The following CACNA1D variants were observed in gnomAD, a reference collection of about 807,000 sequenced individuals.
The protein encoded by CACNA1D is voltage-dependent L-type calcium channel subunit alpha-1D.
Under a neutral mutation model 257.1 loss-of-function variants are expected in CACNA1D, and 55 were observed. The observed-to-expected ratio is 0.21, with a 90% confidence interval of 0.17 to 0.27. The LOEUF (loss-of-function observed/expected upper bound fraction) is 0.27, where lower values mean the gene tolerates loss of function less well. CACNA1D is among the 10% of genes least tolerant of loss of function. The probability of loss-of-function intolerance (pLI) is 1.00; values close to 1 mark genes in which losing one functional copy is unlikely to be tolerated. For missense variants in CACNA1D, 1,876 were observed against 2,784.0 expected, an observed-to-expected ratio of 0.67 and a Z score of 7.34; for synonymous variants, 980 against 1,014.9, an observed-to-expected ratio of 0.97 and a Z score of 0.65.
chr3:53,729,580 C>T (rs1248944432), intron 15 of CACNA1D, among the ~76,000 whole-genome samples: 1 of 152,172 alleles, frequency 6.6e-6, no homozygotes, highest in Non-Finnish European at 1.5e-5. Flanking sequence ...CAGGCATCTT[C>T]TGATTTAGGA....
At chr3:53,662,544 A>G (rs753068675) in intron 5 of CACNA1D, among the ~76,000 whole-genome samples, 7 of 152,232 alleles carry the variant, frequency 4.6e-5, no homozygotes, top group Non-Finnish European at 8.8e-5. Flanking sequence ...TGCATCTTTT[A>G]GACAAGGAAA....
intron 3 of CACNA1D, among the ~76,000 whole-genome samples, chr3:53,576,513 G>GT (rs1476997600): frequency 6.6e-6 from 1 of 152,198 alleles, no homozygotes; most frequent in Non-Finnish European, 1.5e-5. Context: ...CAGACTAATA[G>GT]TTTTTCCAGT....
chr3:53,596,323 A>G (rs1175493973), intron 3 of CACNA1D, among the ~76,000 whole-genome samples: 3 of 151,748 alleles, frequency 2.0e-5, no homozygotes, highest in African/African-American at 7.3e-5. Context: ...TGTACCCATG[A>G]GTGTGAGGAA....
intron 3 of CACNA1D, among the ~76,000 whole-genome samples, chr3:53,611,966 G>A (rs1450426758): frequency 3.9e-5 from 6 of 152,052 alleles, no homozygotes; most frequent in Admixed American, 1.3e-4. Context: ...TAGGTCTATC[G>A]GCCATAGTTT....
intron 3 of CACNA1D, among the ~76,000 whole-genome samples, chr3:53,647,848 G>GTAGA (rs2108254656): frequency 6.6e-6 from 1 of 152,294 alleles, no homozygotes; most frequent in South Asian, 2.1e-4. Flanking sequence ...TGGCATCATG[G>GTAGA]TAGAATCTCT....
At chr3:53,598,207 C>T (rs941638298) in intron 3 of CACNA1D, among the ~76,000 whole-genome samples, 1 of 152,094 alleles carries the variant, frequency 6.6e-6, no homozygotes, top group Non-Finnish European at 1.5e-5. Flanking sequence ...TAACTAATAA[C>T]TTTTATGGGT....
intron 47 of CACNA1D, 128 bp from the exon 48 acceptor site, chr3:53,810,985 A>G (rs2095597695): frequency 1.3e-6 from 1 of 752,586 alleles, no homozygotes; most frequent in Admixed American, 2.0e-5. Flanking sequence ...TCTAGAAAAC[A>G]TGATTGAGCT....
intron 9 of CACNA1D, among the ~76,000 whole-genome samples, chr3:53,711,724 G>A (rs185229911): frequency 3.1e-3 from 470 of 152,340 alleles, no homozygotes; most frequent in Non-Finnish European, 4.8e-3. Flanking sequence ...GGAACAACCC[G>A]TGGATATCTG....
chr3:53,761,482 A>G (rs1366657395), intron 29 of CACNA1D, among the ~76,000 whole-genome samples: 1 of 152,258 alleles, frequency 6.6e-6, no homozygotes, highest in Non-Finnish European at 1.5e-5. Context: ...TCATCCTGCC[A>G]CAAGGCATGG....
intron 8 of CACNA1D, among the ~76,000 whole-genome samples, chr3:53,697,796 G>A (rs1280656065): frequency 1.3e-5 from 2 of 152,156 alleles, no homozygotes; most frequent in Non-Finnish European, 2.9e-5. Context: ...GCTAGTAGGA[G>A]CTACTTCTCT....
rs530669208 is a variant in CACNA1D, at chr3:53,550,168, C to T, written c.483+48448C>T. On this transcript the variant is annotated intron_variant, in intron 3 of 47. Transcript: ENST00000350061. The stretch of plus-strand genomic sequence containing the variant: ...AGTGAGGAGAGCTGGGGATGCCCTT[C>T]CAGAATGCTGACCAGGGCACGTGGG... Among the ~76,000 whole-genome samples, 8 of 152,266 alleles carry T rather than the reference C, an allele frequency of 5.3e-5. No homozygotes were observed. In the South Asian group the frequency reaches 6.2e-4, roughly 12 times the overall value.
intron 8 of CACNA1D, among the ~76,000 whole-genome samples, chr3:53,690,597 G>A (rs771076010): frequency 2.6e-5 from 4 of 152,146 alleles, no homozygotes; most frequent in Non-Finnish European, 4.4e-5. Flanking sequence ...TCCCCCTGCG[G>A]GGGGATCTTC....
Position 53,810,070 on chromosome 3 carries a change from T to C in CACNA1D, c.5964T>C (p.Pro1988=). ...CGTGGGCCACCCCTCCAGCAACCCC[T>C]CCCTACCGGGACTGGACACCGTGCT... ...TRSWATPPAT[P]PYRDWTPCYT... is the part of the protein sequence containing the mutation. The change falls in exon 47 of 48, where the codon CCT becomes CCC. Residue 1988 remains proline (P), a synonymous_variant. Coordinates refer to ENST00000350061, the MANE Select transcript of CACNA1D (RefSeq NM_001128840.3). 6.2e-7 allele frequency: 1 copy of C among 1,613,552 alleles called. No homozygotes were observed. Among genetic ancestry groups the C allele is most frequent in the Non-Finnish European group, 8.5e-7 (1 of 1,179,912 alleles).
At chr3:53,560,522 A>G (rs2092719189) in intron 3 of CACNA1D, among the ~76,000 whole-genome samples, 1 of 152,178 alleles carries the variant, frequency 6.6e-6, no homozygotes, top group East Asian at 1.9e-4. Flanking sequence ...ATAAGCTTAA[A>G]TTTTCCTTAC....
In CACNA1D at chr3:53,812,444, C is replaced by T. The variant is rs1425370466; in HGVS notation, c.*1038C>T. ...CTAAAATATTTTGAGTCACTATAAA[C>T]CTATCATCTTTCCACAAGATATACC... On this transcript the variant is annotated 3_prime_UTR_variant, in exon 48 of 48. Transcript: ENST00000350061. 6.6e-6 allele frequency: 1 copy of T among 152,156 alleles called. No homozygotes were observed. Among genetic ancestry groups the T allele is most frequent in the East Asian group, 1.9e-4 (1 of 5,198 alleles). 9.4% of individuals were successfully genotyped at this position (152,156 alleles called of 1,614,324 possible). A position where few individuals can be genotyped will look rare whatever the true frequency, so the allele number is the denominator to read the frequency against.
Position 53,800,396 on chromosome 3 carries a change from C to A in CACNA1D, c.5040+31C>A, listed in dbSNP as rs754087267. 3 of 1,406,524 alleles carry A rather than the reference C, an allele frequency of 2.1e-6. No homozygotes were observed. Among genetic ancestry groups the A allele is most frequent in the East Asian group, 2.3e-5 (1 of 43,976 alleles). 87.1% of individuals were successfully genotyped at this position (1,406,524 alleles called of 1,614,324 possible). On this transcript the variant is annotated intron_variant, in intron 41 of 47. Transcript: ENST00000350061. This position sits in a 1 kb window ranked among gnomAD's most constrained non-coding sequence, Gnocchi z 4.3. ...TATTCCACGCCTAGCTACACACTGG[C>A]CATCTGGAAATAGCAGGGCAGGACT...
At chr3:53,683,882 G>A (rs1384882929) in intron 8 of CACNA1D, among the ~76,000 whole-genome samples, 1 of 152,096 alleles carries the variant, frequency 6.6e-6, no homozygotes, top group Admixed American at 6.6e-5. Flanking sequence ...GATAAATAAA[G>A]CTGAACATGT....
At chr3:53,624,308 T>A (rs2108062694) in intron 3 of CACNA1D, among the ~76,000 whole-genome samples, 1 of 152,374 alleles carries the variant, frequency 6.6e-6, no homozygotes, top group Non-Finnish European at 1.5e-5. Context: ...GTGAACCTAA[T>A]TTTTGAACTG....
intron 3 of CACNA1D, among the ~76,000 whole-genome samples, chr3:53,529,877 T>G (rs550525564): frequency 9.8e-5 from 15 of 152,360 alleles, no homozygotes; most frequent in Non-Finnish European, 1.9e-4. Context: ...AAGGTTTTAT[T>G]GTATGTTAAT....
Sources: allele counts gnomAD v4.1 joint callset (sites outside exome capture counted in the v4.1 genomes callset), GRCh38; gene constraint gnomAD v4.1.1; non-coding constraint Gnocchi (gnomAD v3.1); transcripts MANE v1.5; gene names NCBI Gene and HGNC (gene_info 2026-07-23, HGNC 2026-07-21).